Variants in INTS6 observed in about 807,000 individuals in gnomAD.
INTS6 encodes the protein DEAD box protein.
A neutral mutation model predicts 104.9 loss-of-function variants in INTS6; 16 were observed. The observed-to-expected ratio is 0.15, with a 90% CI of 0.10 to 0.23. The LOEUF is 0.23. Among genes scored for constraint, INTS6 ranks in the 10% least tolerant of loss-of-function variants. The probability of loss-of-function intolerance (pLI) is 1.00; values close to 1 mark genes in which losing one functional copy is unlikely to be tolerated. For synonymous variants in INTS6, 324 were observed against 358.7 expected (o/e 0.90, Z 1.09); for missense variants, 584 against 1,062.8 (o/e 0.55, Z 6.26).
chr13:51,380,527 T>C (rs1182712546), intron 10 of INTS6, among the ~76,000 whole-genome samples: 2 of 152,194 alleles, frequency 1.3e-5, no homozygotes, highest in East Asian at 3.8e-4. Flanking sequence ...TGTTTGTTCT[T>C]TTTTGTCCTT....
intron 4 of INTS6, among the ~76,000 whole-genome samples, chr13:51,396,657 C>T (rs1391721217): frequency 6.6e-6 from 1 of 152,112 alleles, no homozygotes; most frequent in Non-Finnish European, 1.5e-5. Flanking sequence ...TTGAATCAAG[C>T]CTTCGGTTCT....
chr13:51,370,205 C>T (rs558582089), intron 15 of INTS6, among the ~76,000 whole-genome samples: 3 of 152,346 alleles, frequency 2.0e-5, no homozygotes, highest in African/African-American at 7.2e-5. Flanking sequence ...AAACCCAGCT[C>T]TCCTGTATGG....
intron 17 of INTS6, 30 bp downstream of exon 17, chr13:51,367,775 C>A: frequency 8.0e-7 from 1 of 1,255,796 alleles, no homozygotes; most frequent in Non-Finnish European, 1.1e-6. Flanking sequence ...CATTTCATCA[C>A]CATTTCATTA....
chr13:51,348,443 T>G, the INTS6 span: 2 of 1,588,792 alleles, frequency 1.3e-6, no homozygotes, highest in Non-Finnish European at 1.7e-6. Context: ...ACAGGTGCTG[T>G]GCAGCCAGCA....
At chr13:51,436,525 G>A (rs1952692174) in intron 3 of INTS6, 1 of 152,124 alleles carries the variant, frequency 6.6e-6, no homozygotes, top group African/African-American at 2.4e-5. Context: ...AAGTAGGGGG[G>A]AGTTCCATAT....
At chr13:51,370,768 C>A in intron 15 of INTS6, among the ~76,000 whole-genome samples, 1 of 152,160 alleles carries the variant, frequency 6.6e-6, no homozygotes, top group East Asian at 1.9e-4. Flanking sequence ...ACAACCTCCA[C>A]CTGGCAACCT....
downstream of INTS6, among the ~76,000 whole-genome samples, chr13:51,350,436 T>C (rs1955393247): frequency 6.6e-6 from 1 of 152,170 alleles, no homozygotes; most frequent in Admixed American, 6.5e-5. Flanking sequence ...CAAATATGTA[T>C]GTAATGAATA....
intron 4 of INTS6, among the ~76,000 whole-genome samples, chr13:51,424,886 G>C (rs186836417): frequency 6.6e-6 from 1 of 152,010 alleles, no homozygotes; most frequent in Admixed American, 6.6e-5. Context: ...TTTCAAAAAA[G>C]AGAAAGTTCT....
At chr13:51,425,969 TA>T (rs964549238) in intron 4 of INTS6, among the ~76,000 whole-genome samples, 9 of 150,118 alleles carry the variant, frequency 6.0e-5, no homozygotes, top group South Asian at 2.1e-4. Flanking sequence ...ATAGCTGCAT[TA>T]AAAAAAAAGC....
chr13:51,346,479 G>A, the INTS6 span, among the ~76,000 whole-genome samples: 1 of 152,048 alleles, frequency 6.6e-6, no homozygotes, highest in African/African-American at 2.4e-5. Context: ...TAAAAAGCAG[G>A]GTCTTCAGCA....
chr13:51,420,793 C>T (rs577922476), intron 4 of INTS6, among the ~76,000 whole-genome samples: 5 of 150,556 alleles, frequency 3.3e-5, no homozygotes, highest in Admixed American at 1.3e-4. Context: ...ACTTAACAAC[C>T]AAGTGCAATT....
At position 51,452,612 on chromosome 13, in the gene INTS6, A is replaced by G; in HGVS notation, c.-87T>C. 1 of 1,547,800 alleles carries G rather than the reference A, an allele frequency of 6.5e-7. No homozygotes were observed. Among genetic ancestry groups the G allele is most frequent in the Non-Finnish European group, 8.7e-7 (1 of 1,144,200 alleles). ...GGCGCCGGTGGCGGCGACCGCCGCT[A>G]CGCGGGGCGGGGGAGCACGGCCCCC... On this transcript the variant is annotated 5_prime_UTR_variant, in exon 1 of 18. Coordinates refer to ENST00000311234, the MANE Select transcript of INTS6 (RefSeq NM_012141.3). The surrounding 1 kb of genome is among the most constrained non-coding windows in gnomAD (Gnocchi z 4.2).
chr13:51,410,508 A>G (rs1416271018), intron 4 of INTS6, among the ~76,000 whole-genome samples: 1 of 152,194 alleles, frequency 6.6e-6, no homozygotes, highest in African/African-American at 2.4e-5. Context: ...TTAATTATCC[A>G]TATGTCAAAA....
chr13:51,347,165 C>T, the INTS6 span: 5 of 1,613,992 alleles, frequency 3.1e-6, no homozygotes, highest in Non-Finnish European at 4.2e-6. Context: ...ACAGATCCTG[C>T]CTTTCACCTG....
At chr13:51,360,192 A>C (rs1293133385), downstream of INTS6, among the ~76,000 whole-genome samples, 2 of 152,084 alleles carry the variant, frequency 1.3e-5, no homozygotes, top group Non-Finnish European at 2.9e-5. Flanking sequence ...GTCTAAGATG[A>C]AACAAAGCTC....
chr13:51,335,141 C>T, the INTS6 span, among the ~76,000 whole-genome samples: 1 of 151,788 alleles, frequency 6.6e-6, no homozygotes, highest in East Asian at 1.9e-4. Flanking sequence ...ACATCAGTGG[C>T]AAAGAACAAT....
chr13:51,438,108 T>C (rs1477151142), intron 3 of INTS6: 2 of 152,184 alleles, frequency 1.3e-5, no homozygotes, highest in Admixed American at 1.3e-4. Context: ...AGGAAAGAAA[T>C]GGTACTAACC....
chr13:51,352,321 A>G (rs1955412289), downstream of INTS6, among the ~76,000 whole-genome samples: 1 of 151,938 alleles, frequency 6.6e-6, no homozygotes, highest in South Asian at 2.1e-4. Context: ...CAAGTCTTGC[A>G]CTTCTTTCAT....
intron 2 of INTS6, 34 bp downstream of exon 2, chr13:51,451,944 G>GAAGGGAGGA (rs1566259242): frequency 5.2e-6 from 8 of 1,549,284 alleles, no homozygotes; most frequent in Non-Finnish European, 6.2e-6. Flanking sequence ...ACAGGGAAGG[G>GAAGGGAGGA]AAGGGAGGAA....
Sources: gnomAD v4.1 joint callset for allele counts (sites outside exome capture counted in the v4.1 genomes callset) on GRCh38, gnomAD v4.1.1 for gene constraint, Gnocchi (gnomAD v3.1) non-coding constraint, MANE v1.5 for transcripts, NCBI Gene and HGNC (gene_info 2026-07-23, HGNC 2026-07-21) for gene names.